TAFA5: variants seen among roughly 807,000 people sequenced by gnomAD.
TAFA5 encodes the protein TAFA chemokine like family member 5, also known as chemokine-like protein TAFA-5.
In TAFA5, 6 loss-of-function variants were observed where a neutral mutation model predicts 15.3. The ratio of observed to expected loss-of-function variants is 0.39; its 90% CI spans 0.21 to 0.77. The LOEUF is 0.77. TAFA5 is among the 30% of genes least tolerant of loss of function. The pLI is 0.41. For missense variants in TAFA5, 161 were observed against 193.1 expected (o/e 0.83, Z 0.98); for synonymous variants, 103 against 80.7 (o/e 1.28, Z -1.48).
chr22:48,513,191 T>C (rs1601842404), intron 1 of TAFA5, among the ~76,000 whole-genome samples: 1 of 152,184 alleles, frequency 6.6e-6, no homozygotes, highest in African/African-American at 2.4e-5. Flanking sequence ...CCCTACACCG[T>C]CTACAGGAAG....
intron 3 of TAFA5, among the ~76,000 whole-genome samples, chr22:48,723,832 C>G (rs1161605727): frequency 6.6e-6 from 1 of 152,234 alleles, no homozygotes; most frequent in Non-Finnish European, 1.5e-5. Flanking sequence ...CTCTTGCTTG[C>G]TTCTGCCCTA....
chr22:48,697,971 T>C (rs1928772857), intron 2 of TAFA5, among the ~76,000 whole-genome samples: 1 of 149,588 alleles, frequency 6.7e-6, no homozygotes, highest in Non-Finnish European at 1.5e-5. Context: ...GTGATGATGG[T>C]CCTGTTGATA....
rs183880968 is a variant in TAFA5, at chr22:48,735,080, A to G, written c.391-14759A>G. On this transcript the variant is annotated intron_variant, in intron 3 of 3. Coordinates refer to ENST00000402357, the MANE Select transcript of TAFA5 (RefSeq NM_001082967.3). ...CCTAGGCACTCAGGTAGATTAACTC[A>G]TTCATTCCGACAGCTGCCCATGGGC... Among the ~76,000 whole-genome samples, 391 of 152,286 alleles carry G rather than the reference A, an allele frequency of 2.6e-3. 1 individual carries two copies. The highest frequency in any genetic ancestry group is 3.6e-3 in the Non-Finnish European group (244 of 68,000).
chr22:48,508,099 G>A (rs1921071393), intron 1 of TAFA5, among the ~76,000 whole-genome samples: 1 of 152,116 alleles, frequency 6.6e-6, no homozygotes, highest in Non-Finnish European at 1.5e-5. Context: ...GTGCAACCCT[G>A]AGGCAGAGCC....
At chr22:48,603,360 G>A (rs1023295925) in intron 1 of TAFA5, among the ~76,000 whole-genome samples, 8 of 152,238 alleles carry the variant, frequency 5.3e-5, no homozygotes, top group Non-Finnish European at 5.9e-5. Context: ...AGGCGGCCAC[G>A]CAGTGCGGCC....
intron 1 of TAFA5, among the ~76,000 whole-genome samples, chr22:48,607,601 T>A (rs1366841302): frequency 1.7e-5 from 2 of 119,936 alleles, no homozygotes; most frequent in Admixed American, 1.6e-4. Flanking sequence ...AGATCTGTCC[T>A]GGGTTCTGAT....
chr22:48,594,331 G>C (rs115584615), intron 1 of TAFA5, among the ~76,000 whole-genome samples: 1 of 152,186 alleles, frequency 6.6e-6, no homozygotes, highest in Non-Finnish European at 1.5e-5. Flanking sequence ...CCAGTGGGAC[G>C]TTCTGGGGTG....
intron 1 of TAFA5, among the ~76,000 whole-genome samples, chr22:48,533,065 G>A (rs1276655892): frequency 2.6e-5 from 4 of 152,118 alleles, no homozygotes; most frequent in Non-Finnish European, 4.4e-5. Context: ...TGACAGGTGC[G>A]GGCGGAGGTT....
At chr22:48,694,467 T>C (rs555834361) in intron 2 of TAFA5, among the ~76,000 whole-genome samples, 3 of 151,974 alleles carry the variant, frequency 2.0e-5, no homozygotes, top group African/African-American at 7.2e-5. Context: ...CTTCTGGAGG[T>C]GTGGGACAGA....
At chr22:48,744,139 G>C (rs1159578466) in intron 3 of TAFA5, among the ~76,000 whole-genome samples, 1 of 152,202 alleles carries the variant, frequency 6.6e-6, no homozygotes, top group Non-Finnish European at 1.5e-5. Context: ...CCCAGAATGT[G>C]TGTCTTCGGC....
rs1922806618 is a variant in TAFA5 at position 48,550,086 on chromosome 22, A to C, written c.112+60382A>C. Among the ~76,000 whole-genome samples the C allele has an allele frequency of 1.3e-5, 2 of 152,236 alleles. No homozygotes were observed. The highest frequency in any genetic ancestry group is 3.9e-4 in the East Asian group (2 of 5,182). ...AACATTAAGTGACTCGTATGTGGCA[A>C]AGCTGGCCTGTATCAGAAGCTGGGA... On this transcript the variant is annotated intron_variant, in intron 1 of 3. Coordinates refer to ENST00000402357, the MANE Select transcript of TAFA5 (RefSeq NM_001082967.3). The surrounding 1 kb of genome is among the most constrained non-coding windows in gnomAD (Gnocchi z 4.1).
chr22:48,693,187 AGGGGCCTCAGTGAC>A, intron 2 of TAFA5: 2 of 1,034,376 alleles, frequency 1.9e-6, no homozygotes, highest in Non-Finnish European at 2.8e-6. Flanking sequence ...GTCTGCCTGG[AGGGGCCTCAGTGAC>A]GGGGCCTCAC....
intron 3 of TAFA5, among the ~76,000 whole-genome samples, chr22:48,749,434 G>A (rs1177898212): frequency 6.6e-6 from 1 of 152,226 alleles, no homozygotes; most frequent in African/African-American, 2.4e-5. Context: ...GGTGAGCTCT[G>A]CAGTCTGTGG....
In TAFA5 at chr22:48,534,191, G is replaced by A. The variant is rs570398369; in HGVS notation, c.112+44487G>A. Among the ~76,000 whole-genome samples, 118 of 141,760 alleles carry A rather than the reference G, an allele frequency of 8.3e-4. 2 individuals carry two copies. The South Asian group carries it at 0.025, about 31-fold the overall frequency. 93.0% of individuals were successfully genotyped at this position (141,760 alleles called of 152,430 possible). On this transcript the variant is annotated intron_variant, in intron 1 of 3. Coordinates refer to ENST00000402357, the MANE Select transcript of TAFA5 (RefSeq NM_001082967.3). ...CAGGCAGGTGAGGTGGGTCAAGCAGGTGGGGAGGCAGGCAGGTGAAATGAA... is the reference window on the plus strand; with the variant it reads ...CAGGCAGGTGAGGTGGGTCAAGCAGATGGGGAGGCAGGCAGGTGAAATGAA...
intron 1 of TAFA5, among the ~76,000 whole-genome samples, chr22:48,606,752 C>T (rs193069623): frequency 2.0e-5 from 3 of 152,276 alleles, no homozygotes; most frequent in African/African-American, 7.2e-5. Flanking sequence ...CTGCCTGGCT[C>T]CTTACCTGGA....
At chr22:48,681,573 C>T (rs1364643161) in intron 2 of TAFA5, among the ~76,000 whole-genome samples, 2 of 149,892 alleles carry the variant, frequency 1.3e-5, no homozygotes, top group African/African-American at 2.5e-5. Context: ...ATTGCTTGAA[C>T]CTGGGAGGTG....
chr22:48,544,309 C>A, intron 1 of TAFA5: 1 of 257,116 alleles, frequency 3.9e-6, no homozygotes, highest in Non-Finnish European at 7.7e-6. Flanking sequence ...GGCATCCTCC[C>A]CCTGCGTTGT....
chr22:48,500,649 GC>G (rs1359290326), intron 1 of TAFA5, among the ~76,000 whole-genome samples: 2 of 152,246 alleles, frequency 1.3e-5, no homozygotes, highest in African/African-American at 4.8e-5. Flanking sequence ...TACTTAGCAG[GC>G]CTGACTTGCG....
intron 1 of TAFA5, among the ~76,000 whole-genome samples, chr22:48,611,320 G>A (rs562103825): frequency 1.3e-5 from 2 of 152,278 alleles, no homozygotes; most frequent in African/African-American, 4.8e-5. Context: ...CTCCCCTTTC[G>A]CTGAGATGCT....
Sources: gnomAD v4.1 joint callset for allele counts (sites outside exome capture counted in the v4.1 genomes callset) on GRCh38, gnomAD v4.1.1 for gene constraint, Gnocchi (gnomAD v3.1) non-coding constraint, MANE v1.5 for transcripts, NCBI Gene and HGNC (gene_info 2026-07-23, HGNC 2026-07-21) for gene names.